Variants in BAG2 observed in about 807,000 individuals in gnomAD.
BAG2 encodes the protein BAG family molecular chaperone regulator 2.
Under a neutral mutation model 16.4 loss-of-function variants are expected in BAG2, and 8 were observed. The observed-to-expected ratio is 0.49, with a 90% CI of 0.29 to 0.88. BAG2 has a LOEUF of 0.88. BAG2 is among the 40% of genes least tolerant of loss of function. The probability of loss-of-function intolerance (pLI) is 0.09; values close to 1 mark genes in which losing one functional copy is unlikely to be tolerated. For synonymous variants in BAG2, 82 were observed against 89.2 expected, an observed-to-expected ratio of 0.92 and a Z score of 0.46; for missense variants, 218 against 248.9, an observed-to-expected ratio of 0.88 and a Z score of 0.84.
Position 57,172,662 on chromosome 6 carries a change from C to G in BAG2, c.-36C>G. Reference sequence around the variant, plus strand: ...CTCCACTCGCTGCCGCCGGAGGGGCCGGTGACCTCTTGGCTACCCCGCGTC... The same window carrying G: ...CTCCACTCGCTGCCGCCGGAGGGGCGGGTGACCTCTTGGCTACCCCGCGTC... On this transcript the variant is annotated 5_prime_UTR_variant, in exon 1 of 3. Transcript: ENST00000370693. The G allele has an allele frequency of 1.4e-6, 2 of 1,456,392 alleles. No individual in the cohort carries two copies. Among genetic ancestry groups the G allele is most frequent in the Middle Eastern group, 2.1e-4 (1 of 4,732 alleles). 90.2% of individuals were successfully genotyped at this position (1,456,392 alleles called of 1,614,324 possible). A position where few individuals can be genotyped will look rare whatever the true frequency, so the allele number is the denominator to read the frequency against.
At chr6:57,181,381 G>A (rs988570642) in intron 1 of BAG2, among the ~76,000 whole-genome samples, 4 of 152,186 alleles carry the variant, frequency 2.6e-5, no homozygotes, top group Non-Finnish European at 5.9e-5. Context: ...ACAGCAATTA[G>A]CAGCAACTGA....
chr6:57,173,457 T>C, intron 1 of BAG2: 1 of 985,358 alleles, frequency 1.0e-6, no homozygotes, highest in Non-Finnish European at 1.2e-6. Flanking sequence ...TCCGTTCGTC[T>C]CTCGGTATTT....
In BAG2 at chr6:57,184,787, A is replaced by G. The variant is rs999233459; in HGVS notation, c.*597A>G. ...AGAAACTGACATAAAATGTGAGAAAACCACCTATAATTTACCACTGTGAAC... is the reference window on the plus strand; with the variant it reads ...AGAAACTGACATAAAATGTGAGAAAGCCACCTATAATTTACCACTGTGAAC... On this transcript the variant is annotated 3_prime_UTR_variant, in exon 3 of 3. Coordinates refer to ENST00000370693, the MANE Select transcript of BAG2 (RefSeq NM_004282.4). 6 of 152,652 alleles carry G rather than the reference A, an allele frequency of 3.9e-5. No homozygotes were observed. Among genetic ancestry groups the G allele is most frequent in the African/African-American group, 1.2e-4 (5 of 41,462 alleles). 9.5% of individuals were successfully genotyped at this position (152,652 alleles called of 1,614,324 possible). A position where few individuals can be genotyped will look rare whatever the true frequency, so the allele number is the denominator to read the frequency against.
At position 57,188,355 on chromosome 6, in the gene BAG2, T is replaced by C. The variant is rs552430272; in HGVS notation, c.*4165T>C. The stretch of plus-strand genomic sequence containing the variant: ...TATGTAACAAAGCTCTCTCTTCAGT[T>C]CTTATTTAAAAAAAGATAAAACTAG... On this transcript the variant is annotated 3_prime_UTR_variant, in exon 3 of 3. Transcript: ENST00000370693. 6.6e-6 allele frequency: 1 copy of C among 152,250 alleles called. No individual in the cohort carries two copies. The highest frequency in any genetic ancestry group is 6.5e-5 in the Admixed American group (1 of 15,292). The allele number at this position is 152,250 out of a possible 1,614,324, so 9.4% of individuals were successfully genotyped here. A position where few individuals can be genotyped will look rare whatever the true frequency, so the allele number is the denominator to read the frequency against.
At chr6:57,174,204 G>A (rs114912328) in intron 1 of BAG2, 17,959 of 1,084,432 alleles carry the variant, frequency 0.017, 184 homozygotes, top group Non-Finnish European at 0.019. Context: ...TCTTTTTAGG[G>A]AGCCACATAA....
At position 57,172,593 on chromosome 6, in the gene BAG2, C is replaced by A; in HGVS notation, c.-105C>A. ...GCCCCCGCGGGCGTCAGAGGGAGGG[C>A]GGGCGCCCGCGTGGTGACGGCGACG... On this transcript the variant is annotated 5_prime_UTR_variant, in exon 1 of 3. Transcript: ENST00000370693. 2.1e-6 allele frequency: 2 copies of A among 963,926 alleles called. No homozygotes were observed. Among genetic ancestry groups the A allele is most frequent in the Non-Finnish European group, 2.8e-6 (2 of 702,608 alleles). The allele number at this position is 963,926 out of a possible 1,614,324, so 59.7% of individuals were successfully genotyped here. A position where few individuals can be genotyped will look rare whatever the true frequency, so the allele number is the denominator to read the frequency against.
chr6:57,177,790 T>C (rs747419177), intron 1 of BAG2, among the ~76,000 whole-genome samples: 11 of 152,206 alleles, frequency 7.2e-5, no homozygotes, highest in Non-Finnish European at 1.5e-4. Flanking sequence ...CTCTATTAGC[T>C]GACATATTAA....
At chr6:57,177,414 T>C (rs1296199172) in intron 1 of BAG2, among the ~76,000 whole-genome samples, 1 of 152,048 alleles carries the variant, frequency 6.6e-6, no homozygotes, top group African/African-American at 2.4e-5. Flanking sequence ...AGACTCCATC[T>C]CAAAAAAAAC....
chr6:57,186,974 C>T lies in BAG2; in HGVS notation c.*2784C>T, dbSNP rs374393087. The T allele has an allele frequency of 5.3e-5, 8 of 152,226 alleles. No individual in the cohort carries two copies. The South Asian group carries it at 1.5e-3, about 28-fold the overall frequency. 9.4% of individuals were successfully genotyped at this position (152,226 alleles called of 1,614,324 possible). A position where few individuals can be genotyped will look rare whatever the true frequency, so the allele number is the denominator to read the frequency against. On this transcript the variant is annotated 3_prime_UTR_variant, in exon 3 of 3. Transcript: ENST00000370693. The stretch of plus-strand genomic sequence containing the variant: ...TTTAGATCCACACTGTTGATACAAT[C>T]ATACATATCACACAAAATTTTAGCT...
chr6:57,172,862 C>G (rs1373470884), intron 1 of BAG2, 52 bp downstream of exon 1: 1 of 1,382,830 alleles, frequency 7.2e-7, no homozygotes, highest in African/African-American at 1.5e-5. Context: ...GCGGGCGGTT[C>G]GCGGGCGGTT....
At chr6:57,173,501 T>A in intron 1 of BAG2, 3 of 984,434 alleles carry the variant, frequency 3.0e-6, no homozygotes, top group Non-Finnish European at 3.6e-6. Context: ...GACTAAGTGC[T>A]AGTTACTGGC....
intron 1 of BAG2, among the ~76,000 whole-genome samples, chr6:57,180,062 C>T (rs764132108): frequency 1.8e-4 from 28 of 151,574 alleles, no homozygotes; most frequent in Non-Finnish European, 3.2e-4. Flanking sequence ...ACAGACTGAA[C>T]ACTAAAATGA....
chr6:57,174,266 A>T, intron 1 of BAG2: 1 of 1,288,528 alleles, frequency 7.8e-7, no homozygotes, highest in South Asian at 1.3e-5. Flanking sequence ...CATGTTCTCA[A>T]CCACTTCATT....
chr6:57,180,650 A>C (rs1038943594), intron 1 of BAG2, among the ~76,000 whole-genome samples: 6 of 152,186 alleles, frequency 3.9e-5, no homozygotes, highest in African/African-American at 1.4e-4. Flanking sequence ...TAGGTGGATT[A>C]AAGACATAAA....
chr6:57,175,433 A>G (rs1479666045), intron 1 of BAG2, among the ~76,000 whole-genome samples: 1 of 150,794 alleles, frequency 6.6e-6, no homozygotes, highest in Non-Finnish European at 1.5e-5. Context: ...TCTCTCTCTG[A>G]CCTTCTTTCA....
At position 57,172,652 on chromosome 6, in the gene BAG2, C is replaced by T; in HGVS notation, c.-46C>T. 7.0e-7 allele frequency: 1 copy of T among 1,422,974 alleles called. No individual in the cohort carries two copies. The highest frequency in any genetic ancestry group is 1.4e-5 in the South Asian group (1 of 71,688). 88.1% of individuals were successfully genotyped at this position (1,422,974 alleles called of 1,614,324 possible). A position where few individuals can be genotyped will look rare whatever the true frequency, so the allele number is the denominator to read the frequency against. On this transcript the variant is annotated 5_prime_UTR_variant, in exon 1 of 3. Coordinates refer to ENST00000370693, the MANE Select transcript of BAG2 (RefSeq NM_004282.4). ...CCAAGGAGCGCTCCACTCGCTGCCGCCGGAGGGGCCGGTGACCTCTTGGCT... is the reference window on the plus strand; with the variant it reads ...CCAAGGAGCGCTCCACTCGCTGCCGTCGGAGGGGCCGGTGACCTCTTGGCT...
Position 57,189,405 on chromosome 6 carries a change from G to C in BAG2, c.*5215G>C, listed in dbSNP as rs1056276502. 4 of 152,176 alleles carry C rather than the reference G, an allele frequency of 2.6e-5. No homozygotes were observed. The highest frequency in any genetic ancestry group is 9.7e-5 in the African/African-American group (4 of 41,444). The allele number at this position is 152,176 out of a possible 1,614,324, so 9.4% of individuals were successfully genotyped here. On this transcript the variant is annotated 3_prime_UTR_variant, in exon 3 of 3. Coordinates refer to ENST00000370693, the MANE Select transcript of BAG2 (RefSeq NM_004282.4). ...TTTTTGTGCACTTTAAAAATGGTTA[G>C]TGTAATCTTGTAAGTTCAAAGCTGG... is the stretch of plus-strand genomic sequence containing the variant.
In BAG2 at chr6:57,182,400, C is replaced by T. The variant is rs145764571; in HGVS notation, c.223+259C>T. On this transcript the variant is annotated intron_variant, in intron 2 of 2. Coordinates refer to ENST00000370693, the MANE Select transcript of BAG2 (RefSeq NM_004282.4). ...CCTGCAAGCTCAGAAAAGCTGGCCCCAAGCAGTAAGGCCATGTGTTTTATC... is the reference window on the plus strand; with the variant it reads ...CCTGCAAGCTCAGAAAAGCTGGCCCTAAGCAGTAAGGCCATGTGTTTTATC... Among the ~76,000 whole-genome samples, 60 of 152,004 alleles carry T rather than the reference C, an allele frequency of 3.9e-4. No homozygotes were observed. In the East Asian group the frequency reaches 9.7e-3, roughly 25 times the overall value.
chr6:57,173,419 C>G, intron 1 of BAG2: 1 of 985,374 alleles, frequency 1.0e-6, no homozygotes. Flanking sequence ...CTGTTTCTCC[C>G]CTAACCTCGC....
Sources: allele counts gnomAD v4.1 joint callset (sites outside exome capture counted in the v4.1 genomes callset), GRCh38; gene constraint gnomAD v4.1.1; transcripts MANE v1.5; gene names NCBI Gene and HGNC (gene_info 2026-07-23, HGNC 2026-07-21).